Variants in NRG3 observed in about 807,000 individuals in gnomAD.
NRG3 encodes pro-neuregulin-3, membrane-bound isoform.
In NRG3, 31 loss-of-function variants were observed where a neutral mutation model predicts 66.9. That is an observed-to-expected ratio of 0.46 (90% CI 0.35 to 0.63). The LOEUF is 0.63. NRG3 is among the 20% of genes least tolerant of loss of function. NRG3 has a pLI of 0.00. For missense variants in NRG3, 910 were observed against 878.9 expected, an observed-to-expected ratio of 1.04 and a Z score of -0.45; for synonymous variants, 393 against 359.4, an observed-to-expected ratio of 1.09 and a Z score of -1.06.
At chr10:82,315,358 C>T (rs571934023) in intron 1 of NRG3, among the ~76,000 whole-genome samples, 7 of 152,130 alleles carry the variant, frequency 4.6e-5, no homozygotes, top group Non-Finnish European at 1.0e-4. Context: ...CTTTCAGGAA[C>T]GATTTCAGTT....
intron 2 of NRG3, among the ~76,000 whole-genome samples, chr10:82,559,351 C>T (rs1395638009): frequency 6.6e-6 from 1 of 152,136 alleles, no homozygotes; most frequent in Non-Finnish European, 1.5e-5. Context: ...GGCCTGACTT[C>T]CATGAAGGAA....
chr10:82,531,456 G>C (rs985956237), intron 2 of NRG3, among the ~76,000 whole-genome samples: 2 of 151,448 alleles, frequency 1.3e-5, no homozygotes, highest in Non-Finnish European at 3.0e-5. Flanking sequence ...GATATATATT[G>C]TTTATATATT....
At chr10:82,016,172 G>C (rs1221776344) in intron 1 of NRG3, among the ~76,000 whole-genome samples, 1 of 151,974 alleles carries the variant, frequency 6.6e-6, no homozygotes, top group Admixed American at 6.6e-5. Context: ...AGGGACCAGT[G>C]TGAAAAAGAC....
At chr10:82,257,006 A>G (rs1489410889) in intron 1 of NRG3, among the ~76,000 whole-genome samples, 1 of 152,178 alleles carries the variant, frequency 6.6e-6, no homozygotes, top group African/African-American at 2.4e-5. Context: ...GACAGGGTTT[A>G]TAACCAGTAC....
intron 3 of NRG3, among the ~76,000 whole-genome samples, chr10:82,747,629 C>T (rs1468664192): frequency 6.6e-6 from 1 of 151,732 alleles, no homozygotes; most frequent in Non-Finnish European, 1.5e-5. Flanking sequence ...TTCATTTGTA[C>T]CTTTATGAAT....
chr10:82,463,164 C>T (rs1006872201), intron 2 of NRG3, among the ~76,000 whole-genome samples: 7 of 152,062 alleles, frequency 4.6e-5, no homozygotes, highest in South Asian at 4.2e-4. Context: ...ACTTTTTGCT[C>T]CTGCTTTGAA....
intron 1 of NRG3, among the ~76,000 whole-genome samples, chr10:82,102,284 CA>C (rs1418290320): frequency 6.7e-6 from 1 of 149,588 alleles, no homozygotes; most frequent in Non-Finnish European, 1.5e-5. Context: ...ATAGCCATCC[CA>C]TCATTCTTTG....
At chr10:82,181,072 T>A (rs628787) in intron 1 of NRG3, among the ~76,000 whole-genome samples, 88,536 of 151,528 alleles carry the variant, frequency 0.58, 27,491 homozygotes, top group Middle Eastern at 0.69. Context: ...TAGTAATTTA[T>A]TATAACCCTT....
At chr10:82,418,446 G>T (rs576879038) in intron 2 of NRG3, among the ~76,000 whole-genome samples, 11 of 152,260 alleles carry the variant, frequency 7.2e-5, no homozygotes, top group African/African-American at 2.6e-4. Context: ...AAATTAACCA[G>T]TTTATGCAAA....
intron 3 of NRG3, among the ~76,000 whole-genome samples, chr10:82,855,389 T>TAA (rs1181318799): frequency 6.6e-6 from 1 of 152,024 alleles, no homozygotes; most frequent in Non-Finnish European, 1.5e-5. Flanking sequence ...CTATTAACCG[T>TAA]AAACTCGTCT....
At chr10:82,400,376 C>G (rs1286784988) in intron 2 of NRG3, among the ~76,000 whole-genome samples, 1 of 152,064 alleles carries the variant, frequency 6.6e-6, no homozygotes, top group Non-Finnish European at 1.5e-5. Context: ...CTGTGCTTCT[C>G]AAAATTTTAT....
intron 2 of NRG3, among the ~76,000 whole-genome samples, chr10:82,635,161 G>A (rs1171158663): frequency 2.0e-5 from 3 of 152,142 alleles, no homozygotes; most frequent in African/African-American, 4.8e-5. Flanking sequence ...CTAATACAGT[G>A]CATCAAACCT....
At chr10:81,881,030 T>C (rs1019940930) in intron 1 of NRG3, among the ~76,000 whole-genome samples, 2 of 152,184 alleles carry the variant, frequency 1.3e-5, no homozygotes, top group Non-Finnish European at 2.9e-5. Context: ...TGTTTCCTCT[T>C]CATGCAATTA....
chr10:82,981,238 G>A (rs1254109122), intron 8 of NRG3, among the ~76,000 whole-genome samples: 3 of 152,124 alleles, frequency 2.0e-5, no homozygotes, highest in Non-Finnish European at 2.9e-5. Context: ...TATTTTCTGC[G>A]TGGTGGTGGT....
At chr10:81,907,439 A>G (rs1844704076) in intron 1 of NRG3, among the ~76,000 whole-genome samples, 1 of 152,186 alleles carries the variant, frequency 6.6e-6, no homozygotes, top group Admixed American at 6.5e-5. Flanking sequence ...GATGATGATG[A>G]TGGAAATTTC....
intron 2 of NRG3, among the ~76,000 whole-genome samples, chr10:82,366,796 T>C (rs1271982268): frequency 1.3e-5 from 2 of 152,216 alleles, no homozygotes; most frequent in African/African-American, 4.8e-5. Flanking sequence ...TGATTTACTT[T>C]TTTCTTAATT....
At chr10:82,412,450 T>C (rs2088169135) in intron 2 of NRG3, among the ~76,000 whole-genome samples, 1 of 152,166 alleles carries the variant, frequency 6.6e-6, no homozygotes, top group Non-Finnish European at 1.5e-5. Context: ...AAACACTTTA[T>C]TGATTAAAAA....
chr10:82,277,150 AT>A (rs983420818), intron 1 of NRG3, among the ~76,000 whole-genome samples: 1 of 149,580 alleles, frequency 6.7e-6, no homozygotes, highest in African/African-American at 2.6e-5. Flanking sequence ...TTTCATTGCA[AT>A]AATATTTATT....
intron 2 of NRG3, among the ~76,000 whole-genome samples, chr10:82,404,644 G>C (rs1564884040): frequency 6.6e-6 from 1 of 152,230 alleles, no homozygotes; most frequent in Admixed American, 6.5e-5. Flanking sequence ...TAAGTTATGG[G>C]AAAATATTTC....
Sources: gnomAD v4.1 joint callset for allele counts (sites outside exome capture counted in the v4.1 genomes callset) on GRCh38, gnomAD v4.1.1 for gene constraint, MANE v1.5 for transcripts, NCBI Gene and HGNC (gene_info 2026-07-23, HGNC 2026-07-21) for gene names.